RBFOX1: variants seen among roughly 807,000 people sequenced by gnomAD.
RBFOX1 encodes RNA binding protein fox-1 homolog 1.
RBFOX1 carries 8 observed loss-of-function variants against 57.7 expected under a neutral mutation model. The ratio of observed to expected loss-of-function variants is 0.14; its 90% confidence interval spans 0.08 to 0.25. The LOEUF is 0.25. Among genes scored for constraint, RBFOX1 ranks in the 10% least tolerant of loss-of-function variants. The pLI is 1.00. For synonymous variants in RBFOX1, 326 were observed against 222.4 expected (o/e 1.47, Z -4.15); for missense variants, 611 against 548.5 (o/e 1.11, Z -1.14).
At chr16:6,069,766 C>T (rs1303188768) in intron 1 of RBFOX1, among the ~76,000 whole-genome samples, 1 of 152,096 alleles carries the variant, frequency 6.6e-6, no homozygotes, top group Non-Finnish European at 1.5e-5. Flanking sequence ...GTGGGCAGAT[C>T]ACTTGAGTTC....
At chr16:6,972,719 A>T (rs1023083020) in intron 3 of RBFOX1, among the ~76,000 whole-genome samples, 1 of 152,162 alleles carries the variant, frequency 6.6e-6, no homozygotes, top group East Asian at 1.9e-4. Flanking sequence ...AGGTGGTCTC[A>T]TGCGAAAGTA....
At chr16:6,390,507 GAGA>G (rs2092546782) in intron 2 of RBFOX1, among the ~76,000 whole-genome samples, 1 of 151,918 alleles carries the variant, frequency 6.6e-6, no homozygotes, top group Non-Finnish European at 1.5e-5. Context: ...ACAAAAAACA[GAGA>G]AGGTGTCAGC....
chr16:6,765,546 G>A (rs1192929142), intron 3 of RBFOX1, among the ~76,000 whole-genome samples: 1 of 152,118 alleles, frequency 6.6e-6, no homozygotes, highest in African/African-American at 2.4e-5. Flanking sequence ...AAGAATGCTG[G>A]TGGGAATGTA....
chr16:5,670,212 G>C (rs1180580866), intron 3 of RBFOX1, among the ~76,000 whole-genome samples: 1 of 152,160 alleles, frequency 6.6e-6, no homozygotes, highest in Admixed American at 6.5e-5. Flanking sequence ...TGCTTAACGG[G>C]TCTGAGGTTT....
chr16:5,703,843 T>C (rs2051141068), intron 3 of RBFOX1, among the ~76,000 whole-genome samples: 1 of 152,346 alleles, frequency 6.6e-6, no homozygotes, highest in Non-Finnish European at 1.5e-5. Context: ...GATATTATTA[T>C]CTACATGTTA....
chr16:6,738,084 A>G (rs1005634608), intron 3 of RBFOX1, among the ~76,000 whole-genome samples: 1 of 152,018 alleles, frequency 6.6e-6, no homozygotes, highest in African/African-American at 2.4e-5. Context: ...ATTCTTAAAA[A>G]AAAAAAAAAG....
At chr16:7,690,511 T>C (rs1226233921) in intron 14 of RBFOX1, among the ~76,000 whole-genome samples, 1 of 152,100 alleles carries the variant, frequency 6.6e-6, no homozygotes, top group Non-Finnish European at 1.5e-5. Context: ...GACCAGTTTG[T>C]GGAAAATCAG....
At chr16:5,743,089 A>G (rs997155899) in intron 3 of RBFOX1, among the ~76,000 whole-genome samples, 4 of 152,288 alleles carry the variant, frequency 2.6e-5, no homozygotes, top group African/African-American at 9.6e-5. Context: ...ACTGATTTTA[A>G]TTCTCACAAT....
chr16:7,215,617 T>G (rs1350261876), intron 4 of RBFOX1, among the ~76,000 whole-genome samples: 2 of 152,158 alleles, frequency 1.3e-5, no homozygotes, highest in Non-Finnish European at 2.9e-5. Context: ...TACACCATCT[T>G]TATAACCCTC....
chr16:7,392,669 A>C (rs187643048), intron 4 of RBFOX1, among the ~76,000 whole-genome samples: 41 of 152,276 alleles, frequency 2.7e-4, no homozygotes, highest in African/African-American at 8.9e-4. Flanking sequence ...ATAAAGCCCA[A>C]GTCATAGTAG....
At chr16:6,485,578 G>T (rs980353403) in intron 2 of RBFOX1, among the ~76,000 whole-genome samples, 2 of 152,120 alleles carry the variant, frequency 1.3e-5, no homozygotes, top group Non-Finnish European at 2.9e-5. Flanking sequence ...TCACCTGCAA[G>T]AATTATTTAG....
rs189815530 is a variant in RBFOX1 at position 6,849,722 on chromosome 16, C to T, written c.-16+195072C>T. Among the ~76,000 whole-genome samples, 21 of 152,178 alleles carry T rather than the reference C, an allele frequency of 1.4e-4. 1 individual carries two copies. Among genetic ancestry groups the T allele is most frequent in the African/African-American group, 5.1e-4 (21 of 41,546 alleles). ...AAACTGAAAAGTCCATCTGCCATGA[C>T]TGTCTACATCGCCTACATCCCACAT... On this transcript the variant is annotated intron_variant, in intron 3 of 15. Transcript: ENST00000550418.
At chr16:6,508,557 T>A (rs11860896) in intron 2 of RBFOX1, among the ~76,000 whole-genome samples, 124,396 of 152,042 alleles carry the variant, frequency 0.82, 51,429 homozygotes, top group Non-Finnish European at 0.88. Context: ...AAATGACTGT[T>A]GTCTATAAGG....
chr16:7,476,802 A>G (rs2062815650), intron 4 of RBFOX1, among the ~76,000 whole-genome samples: 3 of 152,210 alleles, frequency 2.0e-5, no homozygotes, highest in Admixed American at 1.3e-4. Context: ...AAATCCCTGC[A>G]AAGATGTATG....
intron 2 of RBFOX1, among the ~76,000 whole-genome samples, chr16:6,593,651 T>C (rs2097746237): frequency 6.6e-6 from 1 of 152,192 alleles, no homozygotes; most frequent in Non-Finnish European, 1.5e-5. Context: ...CATTTGTTTT[T>C]CAGAATTTAA....
intron 1 of RBFOX1, among the ~76,000 whole-genome samples, chr16:6,253,224 G>A (rs759555094): frequency 3.9e-5 from 6 of 152,086 alleles, no homozygotes. Flanking sequence ...GAGGGATTTC[G>A]ACAAAAAGGT....
chr16:6,604,426 C>G (rs896226365), intron 2 of RBFOX1, among the ~76,000 whole-genome samples: 3 of 152,096 alleles, frequency 2.0e-5, no homozygotes, highest in Non-Finnish European at 4.4e-5. Flanking sequence ...ATCTTCCCAT[C>G]TCAGCCTCCT....
intron 4 of RBFOX1, among the ~76,000 whole-genome samples, chr16:7,404,028 C>CTTTTATTTTATTTCATTTTA (rs2098291369): frequency 1.5e-5 from 2 of 129,964 alleles, no homozygotes; most frequent in Non-Finnish European, 3.2e-5. Context: ...ATTTCATTTC[C>CTTTTATTTTATTTCATTTTA]TTTTATTTTA....
chr16:5,445,200 T>C (rs1245680863), intron 1 of RBFOX1, among the ~76,000 whole-genome samples: 1 of 152,182 alleles, frequency 6.6e-6, no homozygotes, highest in Non-Finnish European at 1.5e-5. Flanking sequence ...CAGAGTGATA[T>C]TGTGAGGGAC....
Sources: gnomAD v4.1 joint callset for allele counts (sites outside exome capture counted in the v4.1 genomes callset) on GRCh38, gnomAD v4.1.1 for gene constraint, MANE v1.5 for transcripts, NCBI Gene and HGNC (gene_info 2026-07-23, HGNC 2026-07-21) for gene names.